SPAG17: variants seen among roughly 807,000 people sequenced by gnomAD.
The protein encoded by SPAG17 is sperm-associated antigen 17.
A neutral mutation model predicts 273.6 loss-of-function variants in SPAG17; 169 were observed. The ratio of observed to expected loss-of-function variants is 0.62; its 90% CI spans 0.55 to 0.70. The LOEUF is 0.70. SPAG17 is among the 30% of genes least tolerant of loss of function. The pLI is 0.00. For missense variants in SPAG17, 2,557 were observed against 2,627.8 expected, an observed-to-expected ratio of 0.97 and a Z score of 0.59; for synonymous variants, 825 against 873.2, an observed-to-expected ratio of 0.94 and a Z score of 0.97.
In SPAG17 at chr1:117,992,663, A is replaced by G. The variant is rs768217271; in HGVS notation, c.5179-15T>C. On this transcript the variant is annotated splice_polypyrimidine_tract_variant and intron_variant, in intron 35 of 48. Transcript: ENST00000336338. Reference sequence around the variant, plus strand: ...GGAGTTTTTTTCTGTTAACAAAACAAAGCAATAACACCACCAAAGAAATCA... The same window carrying G: ...GGAGTTTTTTTCTGTTAACAAAACAGAGCAATAACACCACCAAAGAAATCA... 1.6e-5 allele frequency: 25 copies of G among 1,558,742 alleles called. No homozygotes were observed. Among genetic ancestry groups the G allele is most frequent in the African/African-American group, 4.2e-5 (3 of 71,772 alleles).
In SPAG17 at chr1:118,068,189, C is replaced by T. The variant is rs1219529471; in HGVS notation, c.2386-1290G>A. 4.0e-5 allele frequency among the ~76,000 whole-genome samples: 6 copies of T among 151,176 alleles called. No individual in the cohort carries two copies. The East Asian group carries it at 1.2e-3, about 29-fold the overall frequency. On this transcript the variant is annotated intron_variant, in intron 17 of 48. Coordinates refer to ENST00000336338, the MANE Select transcript of SPAG17 (RefSeq NM_206996.4). ...ATAACATAATAATGTTAGAAAAGGG[C>T]TGCTTTAATTTTGCTTTCAATTCTA...
At chr1:118,171,759 G>A (rs978205491) in intron 1 of SPAG17, among the ~76,000 whole-genome samples, 2 of 152,096 alleles carry the variant, frequency 1.3e-5, no homozygotes, top group African/African-American at 4.8e-5. Flanking sequence ...GCTGTAGAGA[G>A]TGACGTAAGA....
Position 118,063,386 on chromosome 1 carries a change from G to C in SPAG17, c.2540+3359C>G, listed in dbSNP as rs377089689. ...AGCATGGTACTGGTACCAAAACAGA[G>C]ATATAGATCAATGGAACAGAACAGA... On this transcript the variant is annotated intron_variant, in intron 18 of 48. Transcript: ENST00000336338. Among the ~76,000 whole-genome samples the C allele has an allele frequency of 3.1e-3, 466 of 152,210 alleles. 3 individuals carry two copies. Among genetic ancestry groups the C allele is most frequent in the African/African-American group, 0.011 (450 of 41,524 alleles).
chr1:118,070,070 C>A (rs1653428935), intron 17 of SPAG17, among the ~76,000 whole-genome samples: 1 of 152,100 alleles, frequency 6.6e-6, no homozygotes, highest in Admixed American at 6.6e-5. Context: ...TGAACATTTG[C>A]ACTCTCTAAC....
intron 48 of SPAG17, among the ~76,000 whole-genome samples, chr1:117,954,785 A>T (rs1651922689): frequency 6.6e-6 from 1 of 152,070 alleles, no homozygotes; most frequent in South Asian, 2.1e-4. Context: ...GATATTTTGT[A>T]TTTCAAAAGG....
chr1:118,095,341 T>G (rs1432376672), intron 7 of SPAG17, among the ~76,000 whole-genome samples: 4 of 152,192 alleles, frequency 2.6e-5, no homozygotes, highest in African/African-American at 9.7e-5. Flanking sequence ...TTATGCAGCC[T>G]GTGCCTGGAA....
rs80058279 is a variant in SPAG17 at position 118,037,432 on chromosome 1, C to T, written c.3320-549G>A. ...TTGCATGTCACTGGGGTTTGGTGTA[C>T]AGACACTTTCATCACCCAGTTAGTG... On this transcript the variant is annotated intron_variant, in intron 23 of 48. Coordinates refer to ENST00000336338, the MANE Select transcript of SPAG17 (RefSeq NM_206996.4). Among the ~76,000 whole-genome samples the T allele has an allele frequency of 4.6e-3, 707 of 152,082 alleles. 5 individuals are homozygous for T. The highest frequency in any genetic ancestry group is 0.016 in the African/African-American group (674 of 41,478).
chr1:117,981,505 A>T, intron 42 of SPAG17, 104 bp from the exon 43 acceptor site: 1 of 1,207,432 alleles, frequency 8.3e-7, no homozygotes, highest in Non-Finnish European at 1.1e-6. Flanking sequence ...TTTACAATGA[A>T]TGAGGTACCT....
chr1:118,025,640 A>G (rs917777163), intron 26 of SPAG17, among the ~76,000 whole-genome samples: 4 of 152,036 alleles, frequency 2.6e-5, no homozygotes, highest in Non-Finnish European at 4.4e-5. Flanking sequence ...ACAGGCTTGC[A>G]CCACAACACC....
chr1:118,128,953 T>C lies in SPAG17; in HGVS notation c.316-13512A>G, dbSNP rs189195642. 9.9e-4 allele frequency among the ~76,000 whole-genome samples: 151 copies of C among 152,294 alleles called. 2 individuals are homozygous for C. The highest frequency in any genetic ancestry group is 3.5e-4 in the Non-Finnish European group (24 of 68,022). On this transcript the variant is annotated intron_variant, in intron 3 of 48. Transcript: ENST00000336338. ...GTCCATGATTGGTTCAAGAGGTGCA[T>C]GTGATTTTGTTCAGGCCAGTAGAAT...
At chr1:118,172,502 C>T (rs1318464829) in intron 1 of SPAG17, among the ~76,000 whole-genome samples, 1 of 152,078 alleles carries the variant, frequency 6.6e-6, no homozygotes, top group East Asian at 1.9e-4. Flanking sequence ...CCTTTTGCTA[C>T]ATGTAAAAAT....
intron 43 of SPAG17, among the ~76,000 whole-genome samples, chr1:117,976,961 T>G (rs957765858): frequency 6.6e-6 from 1 of 152,212 alleles, no homozygotes; most frequent in Non-Finnish European, 1.5e-5. Context: ...TTACTTACAC[T>G]GATTTCCTGT....
intron 20 of SPAG17, 75 bp from the exon 21 acceptor site, chr1:118,042,117 A>G: frequency 1.3e-6 from 2 of 1,518,390 alleles, no homozygotes; most frequent in South Asian, 2.6e-5. Context: ...TTCATTTTGA[A>G]GAATATTTAA....
Position 118,090,430 on chromosome 1 carries a change from A to T in SPAG17, c.1359+1176T>A, listed in dbSNP as rs190668977. ...GGTTAAACATGTAAATAAATAAAAG[A>T]TTTAGAATTGAATACACTGAAAGCA... On this transcript the variant is annotated intron_variant, in intron 10 of 48. Transcript: ENST00000336338. Among the ~76,000 whole-genome samples the T allele has an allele frequency of 6.6e-5, 10 of 152,334 alleles. No individual in the cohort carries two copies. In the East Asian group the frequency reaches 1.9e-3, roughly 29 times the overall value.
intron 3 of SPAG17, among the ~76,000 whole-genome samples, chr1:118,140,642 A>G (rs1276162578): frequency 2.0e-5 from 3 of 152,098 alleles, no homozygotes; most frequent in Non-Finnish European, 4.4e-5. Flanking sequence ...TCTTCCTTCT[A>G]AATATTCTCC....
At chr1:118,070,725 A>G (rs558361818) in intron 17 of SPAG17, among the ~76,000 whole-genome samples, 1 of 152,254 alleles carries the variant, frequency 6.6e-6, no homozygotes, top group Non-Finnish European at 1.5e-5. Context: ...CCTGATAGAT[A>G]AAAATTCTTA....
intron 18 of SPAG17, among the ~76,000 whole-genome samples, chr1:118,064,015 G>T (rs1052284668): frequency 1.3e-5 from 2 of 152,190 alleles, no homozygotes; most frequent in Non-Finnish European, 2.9e-5. Context: ...TCAGAGAAAT[G>T]CAAATCAAAA....
chr1:118,112,557 G>A (rs976053373), intron 4 of SPAG17, among the ~76,000 whole-genome samples: 3 of 151,998 alleles, frequency 2.0e-5, no homozygotes, highest in Non-Finnish European at 2.9e-5. Flanking sequence ...TGAGAAAGTC[G>A]TATTCAGAAG....
chr1:118,148,652 C>G (rs1020496741), intron 3 of SPAG17, among the ~76,000 whole-genome samples: 5 of 152,164 alleles, frequency 3.3e-5, no homozygotes, highest in Non-Finnish European at 5.9e-5. Context: ...CTCCAAGTCC[C>G]CACCCGACCC....
Sources: allele counts gnomAD v4.1 joint callset (sites outside exome capture counted in the v4.1 genomes callset), GRCh38; gene constraint gnomAD v4.1.1; transcripts MANE v1.5; gene names NCBI Gene and HGNC (gene_info 2026-07-23, HGNC 2026-07-21).